Variants in CCDC102B observed in about 807,000 individuals in gnomAD.
CCDC102B encodes coiled-coil domain-containing protein 102B.
CCDC102B carries 75 observed loss-of-function variants against 57.4 expected under a neutral mutation model. The observed-to-expected ratio is 1.31, with a 90% CI of 1.08 to 1.58. The LOEUF is 1.58. Ranked by LOEUF, CCDC102B falls within the 40% of genes most tolerant of loss-of-function variation. CCDC102B has a pLI of 0.00. For synonymous variants in CCDC102B, 206 were observed against 201.9 expected (o/e 1.02, Z -0.17); for missense variants, 636 against 582.6 (o/e 1.09, Z -0.94).
intron 7 of CCDC102B, among the ~76,000 whole-genome samples, chr18:69,019,139 A>G (rs2051754700): frequency 1.3e-5 from 2 of 152,070 alleles, no homozygotes; most frequent in African/African-American, 4.8e-5. Flanking sequence ...TCAATTTTTA[A>G]TAAGAAGTGA....
rs551962560 is a variant in CCDC102B at position 68,765,744 on chromosome 18, C to T, written c.-67+49150C>T. On this transcript the variant is annotated intron_variant, in intron 2 of 3. Transcript: ENST00000578970. ...GTACAGGGTTATTAGCATGGCTTCT[C>T]AGATATAATCATTACTTAATATTCT... Among the ~76,000 whole-genome samples, 25 of 152,252 alleles carry T rather than the reference C, an allele frequency of 1.6e-4. No homozygotes were observed. The South Asian group carries it at 5.2e-3, about 32-fold the overall frequency.
At chr18:68,753,659 C>G (rs77354061) in intron 2 of CCDC102B, 1 of 152,026 alleles carries the variant, frequency 6.6e-6, no homozygotes. Flanking sequence ...TCATGCGATC[C>G]TCCCACTTCT....
chr18:68,902,398 G>T (rs2156063), intron 6 of CCDC102B: 137,149 of 152,238 alleles, frequency 0.9, 61,854 homozygotes, highest in Admixed American at 0.92. Flanking sequence ...CTGGGCAGAG[G>T]TAGGAAATCA....
At chr18:68,810,692 T>A (rs1229148680) in intron 1 of CCDC102B, among the ~76,000 whole-genome samples, 9 of 142,536 alleles carry the variant, frequency 6.3e-5, no homozygotes, top group African/African-American at 2.4e-4. Context: ...TTTTTTTTTT[T>A]TTTTTTTTTT....
At chr18:68,925,949 T>A (rs2041461734) in intron 6 of CCDC102B, among the ~76,000 whole-genome samples, 1 of 152,022 alleles carries the variant, frequency 6.6e-6, no homozygotes, top group African/African-American at 2.4e-5. Context: ...CTTGACACTT[T>A]TGTTTTTTAT....
At chr18:68,958,878 T>C (rs865948443) in intron 6 of CCDC102B, among the ~76,000 whole-genome samples, 1 of 152,186 alleles carries the variant, frequency 6.6e-6, no homozygotes, top group African/African-American at 2.4e-5. Context: ...TTGTTAAATT[T>C]ATCTGATAAG....
intron 1 of CCDC102B, among the ~76,000 whole-genome samples, chr18:68,798,779 A>G (rs1360750176): frequency 6.6e-6 from 1 of 152,140 alleles, no homozygotes; most frequent in East Asian, 1.9e-4. Flanking sequence ...AATCCTGTGC[A>G]TAATAAAAAG....
intron 2 of CCDC102B, among the ~76,000 whole-genome samples, chr18:68,758,675 A>T (rs2034139709): frequency 1.3e-5 from 2 of 151,502 alleles, no homozygotes; most frequent in South Asian, 4.2e-4. Context: ...AAAAATCATG[A>T]TATCTATAGT....
At chr18:68,868,931 A>C (rs1383996590) in intron 4 of CCDC102B, among the ~76,000 whole-genome samples, 2 of 152,136 alleles carry the variant, frequency 1.3e-5, no homozygotes, top group African/African-American at 4.8e-5. Context: ...AGGTATGTGG[A>C]TAGCTGAGAA....
At chr18:68,922,444 A>G (rs1156653498) in intron 6 of CCDC102B, among the ~76,000 whole-genome samples, 1 of 152,308 alleles carries the variant, frequency 6.6e-6, no homozygotes, top group African/African-American at 2.4e-5. Context: ...TGCAGATTCA[A>G]TAGCCATGCA....
intron 2 of CCDC102B, among the ~76,000 whole-genome samples, chr18:68,767,002 T>A (rs1463833562): frequency 6.6e-6 from 1 of 152,202 alleles, no homozygotes; most frequent in African/African-American, 2.4e-5. Flanking sequence ...GATATTAAAC[T>A]GAAATACACA....
chr18:69,030,236 AT>A, intron 7 of CCDC102B, among the ~76,000 whole-genome samples: 1 of 152,338 alleles, frequency 6.6e-6, no homozygotes, highest in East Asian at 1.9e-4. Context: ...ATTTTTAAAA[AT>A]TACTGTACTA....
At chr18:68,770,296 A>T (rs1452105247) in intron 2 of CCDC102B, among the ~76,000 whole-genome samples, 2 of 152,250 alleles carry the variant, frequency 1.3e-5, no homozygotes, top group Non-Finnish European at 2.9e-5. Flanking sequence ...TGTGTATTCC[A>T]CATAGTATCA....
rs575530952 is a variant in CCDC102B, at chr18:68,789,476, G to A, written c.-66-33890G>A. The stretch of plus-strand genomic sequence containing the variant: ...TCGCTTTCAGGTACCCCAATCAGAC[G>A]TAGATTTGGTCTTTTCACATAGTCC... On this transcript the variant is annotated intron_variant, in intron 2 of 3. Transcript: ENST00000578970. Among the ~76,000 whole-genome samples the A allele has an allele frequency of 9.6e-3, 1,467 of 152,104 alleles. 27 individuals are homozygous for A. Among genetic ancestry groups the A allele is most frequent in the African/African-American group, 0.033 (1,372 of 41,468 alleles).
chr18:68,802,489 T>C (rs990388017), intron 1 of CCDC102B, among the ~76,000 whole-genome samples: 2 of 152,198 alleles, frequency 1.3e-5, no homozygotes, highest in African/African-American at 4.8e-5. Context: ...ATGTTTTTGG[T>C]ATCAGGACTA....
chr18:68,840,327 G>T (rs1280385194), intron 3 of CCDC102B, among the ~76,000 whole-genome samples: 1 of 152,010 alleles, frequency 6.6e-6, no homozygotes, highest in Non-Finnish European at 1.5e-5. Flanking sequence ...GGATAAATAT[G>T]CATGCTAGCC....
chr18:68,747,093 A>C (rs1487696338), intron 2 of CCDC102B, among the ~76,000 whole-genome samples: 1 of 152,022 alleles, frequency 6.6e-6, no homozygotes, highest in Non-Finnish European at 1.5e-5. Flanking sequence ...AATATTCAAA[A>C]TTCTCTCTTC....
At chr18:68,944,122 C>T (rs1455501003) in intron 6 of CCDC102B, among the ~76,000 whole-genome samples, 2 of 152,050 alleles carry the variant, frequency 1.3e-5, no homozygotes, top group African/African-American at 4.8e-5. Flanking sequence ...GATCTGCTTA[C>T]ACAGGTTAAC....
intron 5 of CCDC102B, among the ~76,000 whole-genome samples, chr18:68,883,789 G>A (rs2039777257): frequency 6.6e-6 from 1 of 152,140 alleles, no homozygotes; most frequent in South Asian, 2.1e-4. Context: ...ATTTCTCTCT[G>A]AGTACAGTGC....
Sources: gnomAD v4.1 joint callset for allele counts (sites outside exome capture counted in the v4.1 genomes callset) on GRCh38, gnomAD v4.1.1 for gene constraint, MANE v1.5 for transcripts, NCBI Gene and HGNC (gene_info 2026-07-23, HGNC 2026-07-21) for gene names.